Variants in SGCZ observed in about 807,000 individuals in gnomAD.
SGCZ encodes sarcoglycan zeta, also known as zeta-sarcoglycan.
SGCZ carries 40 observed loss-of-function variants against 41.3 expected under a neutral mutation model. The observed-to-expected ratio is 0.97, with a 90% CI of 0.75 to 1.26. The LOEUF (loss-of-function observed/expected upper bound fraction) is 1.26. Ranked by LOEUF, SGCZ falls within the 50% of genes most tolerant of loss-of-function variation. The pLI, the probability that SGCZ is intolerant of heterozygous loss-of-function variation, is 0.00. For synonymous variants in SGCZ, 206 were observed against 137.5 expected (o/e 1.50, Z -3.49); for missense variants, 552 against 369.8 (o/e 1.49, Z -4.04).
At chr8:14,650,692 G>C (rs1427510717) in intron 1 of SGCZ, among the ~76,000 whole-genome samples, 1 of 152,058 alleles carries the variant, frequency 6.6e-6, no homozygotes, top group Admixed American at 6.6e-5. Flanking sequence ...TATGGGATCA[G>C]CCTGAAATAT....
At chr8:15,138,230 G>A (rs555382958) in intron 1 of SGCZ, among the ~76,000 whole-genome samples, 43 of 152,310 alleles carry the variant, frequency 2.8e-4, no homozygotes, top group African/African-American at 1.0e-3. Flanking sequence ...CCCAATGCCT[G>A]TACTTCCATT....
intron 1 of SGCZ, among the ~76,000 whole-genome samples, chr8:14,819,494 C>G (rs1351108929): frequency 1.3e-5 from 2 of 152,080 alleles, no homozygotes. Flanking sequence ...GAAAGTGCTA[C>G]AACTGCAAAC....
intron 1 of SGCZ, among the ~76,000 whole-genome samples, chr8:14,688,147 C>A (rs375470204): frequency 1.8e-4 from 28 of 152,164 alleles, no homozygotes; most frequent in African/African-American, 6.0e-4. Flanking sequence ...TGTAGGTTGC[C>A]TGTTCACTCT....
At chr8:14,701,474 A>T (rs543124827) in intron 1 of SGCZ, among the ~76,000 whole-genome samples, 6 of 151,946 alleles carry the variant, frequency 3.9e-5, no homozygotes, top group Non-Finnish European at 7.4e-5. Flanking sequence ...TTCTCTTCTC[A>T]CCGTCTACTT....
At chr8:14,972,974 G>T (rs924437380) in intron 1 of SGCZ, among the ~76,000 whole-genome samples, 4 of 152,092 alleles carry the variant, frequency 2.6e-5, no homozygotes, top group African/African-American at 9.7e-5. Flanking sequence ...CTGGTGTCAT[G>T]TTCCTTCCTC....
At chr8:14,532,621 A>T (rs55682503) in intron 2 of SGCZ, among the ~76,000 whole-genome samples, 33,367 of 149,390 alleles carry the variant, frequency 0.22, 4,643 homozygotes, top group Non-Finnish European at 0.32. Flanking sequence ...GTAAGAGGAA[A>T]CTATCACCAT....
chr8:14,801,999 T>G (rs1234696811), intron 1 of SGCZ, among the ~76,000 whole-genome samples: 1 of 152,134 alleles, frequency 6.6e-6, no homozygotes. Context: ...CAGGAGCACT[T>G]TTAAAATATG....
At chr8:15,118,818 G>C (rs1807370825) in intron 1 of SGCZ, among the ~76,000 whole-genome samples, 1 of 152,090 alleles carries the variant, frequency 6.6e-6, no homozygotes, top group African/African-American at 2.4e-5. Context: ...CTGCAGATCA[G>C]CTCCATAGTT....
chr8:14,434,173 T>C (rs1465607876), intron 2 of SGCZ, among the ~76,000 whole-genome samples: 1 of 152,222 alleles, frequency 6.6e-6, no homozygotes, highest in Non-Finnish European at 1.5e-5. Flanking sequence ...CCCAGTTTCA[T>C]TCTCCTACAT....
chr8:14,942,890 A>G (rs2130822988), intron 1 of SGCZ, among the ~76,000 whole-genome samples: 1 of 152,222 alleles, frequency 6.6e-6, no homozygotes, highest in South Asian at 2.1e-4. Context: ...ACTTCATTGC[A>G]TTCCCCAAAT....
intron 1 of SGCZ, among the ~76,000 whole-genome samples, chr8:14,585,469 T>C (rs537432816): frequency 6.6e-6 from 1 of 152,242 alleles, no homozygotes; most frequent in African/African-American, 2.4e-5. Context: ...TTTCAATACA[T>C]TATGACTCCC....
At chr8:14,207,261 T>C (rs1323990813) in intron 4 of SGCZ, among the ~76,000 whole-genome samples, 2 of 127,730 alleles carry the variant, frequency 1.6e-5, no homozygotes, top group Admixed American at 1.6e-4. Context: ...AATTTAAATG[T>C]AACAATTTGA....
intron 5 of SGCZ, among the ~76,000 whole-genome samples, chr8:14,162,923 T>G (rs969819077): frequency 1.3e-5 from 2 of 152,206 alleles, no homozygotes; most frequent in Non-Finnish European, 2.9e-5. Context: ...TGTGCTAGAC[T>G]GCACTGGCAT....
chr8:14,957,018 C>T (rs191939490), intron 1 of SGCZ, among the ~76,000 whole-genome samples: 10 of 151,240 alleles, frequency 6.6e-5, no homozygotes, highest in East Asian at 3.9e-4. Flanking sequence ...TGCCCTAGCA[C>T]GATAGAAAAA....
At chr8:14,562,266 C>T (rs771300503) in intron 1 of SGCZ, among the ~76,000 whole-genome samples, 4 of 152,040 alleles carry the variant, frequency 2.6e-5, no homozygotes, top group Non-Finnish European at 5.9e-5. Context: ...GTAGTTGAGC[C>T]TCCGAGCAGA....
intron 1 of SGCZ, among the ~76,000 whole-genome samples, chr8:14,817,968 C>T (rs1347073534): frequency 1.3e-5 from 2 of 152,188 alleles, no homozygotes; most frequent in Non-Finnish European, 2.9e-5. Context: ...CAAAGAGGCA[C>T]CTCGCCCAGA....
intron 2 of SGCZ, among the ~76,000 whole-genome samples, chr8:14,443,635 C>G (rs1800341452): frequency 6.6e-6 from 1 of 152,138 alleles, no homozygotes; most frequent in African/African-American, 2.4e-5. Context: ...TGGATCCCTT[C>G]CTTACACCTT....
intron 1 of SGCZ, among the ~76,000 whole-genome samples, chr8:14,782,974 T>C (rs1800635550): frequency 6.6e-6 from 1 of 152,194 alleles, no homozygotes; most frequent in Non-Finnish European, 1.5e-5. Flanking sequence ...GATTAATGGA[T>C]ATTATAAACT....
intron 1 of SGCZ, among the ~76,000 whole-genome samples, chr8:14,620,170 C>G (rs571564246): frequency 3.2e-4 from 48 of 152,034 alleles, no homozygotes; most frequent in South Asian, 1.0e-3. Context: ...ACAAACCTGA[C>G]AAAAACAAGA....
Sources: gnomAD v4.1 joint callset for allele counts (sites outside exome capture counted in the v4.1 genomes callset) on GRCh38, gnomAD v4.1.1 for gene constraint, MANE v1.5 for transcripts, NCBI Gene and HGNC (gene_info 2026-07-23, HGNC 2026-07-21) for gene names.